The following TPRX2 variants were observed in gnomAD, a reference collection of about 807,000 sequenced individuals.
TPRX2 encodes the protein tetrapeptide repeat homeobox 2.
chr19:47,860,795 C>T, the TPRX2 span: 71 of 1,540,210 alleles, frequency 4.6e-5, no homozygotes, highest in Middle Eastern at 2.7e-3. Context: ...TCCCCTCTGC[C>T]CCCCAGGTGT....
At chr19:47,861,170 G>T in the TPRX2 span, 1 of 674,836 alleles carries the variant, frequency 1.5e-6, no homozygotes, top group Non-Finnish European at 2.7e-6. Context: ...GCCCAGCCCC[G>T]AATTTAGGCC....
At chr19:47,859,758 G>C in the TPRX2 span, among the ~76,000 whole-genome samples, 1 of 150,456 alleles carries the variant, frequency 6.6e-6, no homozygotes, top group Admixed American at 6.6e-5. Context: ...GTTGAGTGGA[G>C]CAGAGGACTG....
chr19:47,861,179 C>G, the TPRX2 span: 1 of 665,296 alleles, frequency 1.5e-6, no homozygotes, highest in Non-Finnish European at 2.8e-6. Context: ...CGAATTTAGG[C>G]CCAATGTCAG....
At chr19:47,859,833 C>A in the TPRX2 span, among the ~76,000 whole-genome samples, 1 of 151,144 alleles carries the variant, frequency 6.6e-6, no homozygotes, top group Non-Finnish European at 1.5e-5. Flanking sequence ...GGGGACGGGG[C>A]AGCTGGGGAG....
At chr19:47,860,059 G>A in the TPRX2 span, 2 of 1,394,584 alleles carry the variant, frequency 1.4e-6, no homozygotes, top group Non-Finnish European at 2.0e-6. Context: ...GGGTCCCTAG[G>A]GGGGCTGGGG....
At chr19:47,861,408 C>T in the TPRX2 span, 1 of 558,904 alleles carries the variant, frequency 1.8e-6, no homozygotes, top group East Asian at 6.4e-5. Context: ...GCTCCTAGAC[C>T]GGTTCGAGGA....
At chr19:47,861,084 G>C in the TPRX2 span, 1 of 719,470 alleles carries the variant, frequency 1.4e-6, no homozygotes, top group Non-Finnish European at 2.5e-6. Context: ...GGGCCTCAAG[G>C]CTGTCCCGGC....
chr19:47,859,366 G>A, the TPRX2 span, among the ~76,000 whole-genome samples: 129 of 150,526 alleles, frequency 8.6e-4, 2 homozygotes, highest in African/African-American at 3.1e-3. Flanking sequence ...CTGGGCCTGT[G>A]CGGGCGGCTT....
chr19:47,861,084 G>T, the TPRX2 span: 1 of 719,470 alleles, frequency 1.4e-6, no homozygotes, highest in East Asian at 2.7e-5. Context: ...GGGCCTCAAG[G>T]CTGTCCCGGC....
chr19:47,861,336 C>T, the TPRX2 span: 1 of 474,072 alleles, frequency 2.1e-6, no homozygotes, highest in Non-Finnish European at 4.2e-6. Flanking sequence ...GCCTCAGAGC[C>T]CCTATGCCTC....
chr19:47,859,963 G>T, the TPRX2 span: 2 of 525,686 alleles, frequency 3.8e-6, no homozygotes, highest in Non-Finnish European at 6.9e-6. Flanking sequence ...CCAGAGAGGT[G>T]CAAGGTCTGG....
At chr19:47,861,613 C>G in the TPRX2 span, 2 of 662,994 alleles carry the variant, frequency 3.0e-6, no homozygotes, top group Non-Finnish European at 4.6e-6. Flanking sequence ...CCTTTACCCA[C>G]CCTGCTGCAG....
the TPRX2 span, chr19:47,860,043 G>C: frequency 7.1e-7 from 1 of 1,411,880 alleles, no homozygotes. Context: ...CCTGGCGCAG[G>C]GGACGGGGTC....
chr19:47,860,797 C>G, the TPRX2 span: 4 of 1,542,150 alleles, frequency 2.6e-6, no homozygotes, highest in Admixed American at 3.9e-5. Context: ...CCCTCTGCCC[C>G]CCAGGTGTGG....
chr19:47,861,397 C>A, the TPRX2 span: 1 of 524,748 alleles, frequency 1.9e-6, no homozygotes, highest in South Asian at 1.5e-5. Context: ...AAGCTGCTCC[C>A]GCTCCTAGAC....
the TPRX2 span, among the ~76,000 whole-genome samples, chr19:47,859,747 A>C: frequency 6.7e-6 from 1 of 149,858 alleles, no homozygotes; most frequent in African/African-American, 2.4e-5. Context: ...TAAACCATGC[A>C]GTTGAGTGGA....
chr19:47,861,088 TC>T, the TPRX2 span: 2 of 718,418 alleles, frequency 2.8e-6, no homozygotes, highest in Non-Finnish European at 5.0e-6. Context: ...CTCAAGGCTG[TC>T]CCGGCTCCAG....
chr19:47,861,542 C>T, the TPRX2 span: 10 of 1,236,022 alleles, frequency 8.1e-6, no homozygotes, highest in East Asian at 5.4e-4. Flanking sequence ...TTCTTCAGAT[C>T]CCAGAGGGCC....
At chr19:47,861,013 C>A in the TPRX2 span, 5 of 1,019,444 alleles carry the variant, frequency 4.9e-6, no homozygotes, top group Non-Finnish European at 7.4e-6. Flanking sequence ...CTCCCAGCAG[C>A]AGAACCGAAG....
Sources: gnomAD v4.1 joint callset for allele counts (sites outside exome capture counted in the v4.1 genomes callset) on GRCh38, gnomAD v4.1.1 for gene constraint, MANE v1.5 for transcripts, NCBI Gene and HGNC (gene_info 2026-07-23, HGNC 2026-07-21) for gene names.